The following CCDC7 variants were observed in gnomAD, a reference collection of about 807,000 sequenced individuals.
The protein encoded by CCDC7 is coiled-coil domain containing 7, also known as coiled-coil domain-containing protein 7.
A neutral mutation model predicts 196.9 loss-of-function variants in CCDC7; 183 were observed. The ratio of observed to expected loss-of-function variants is 0.93; its 90% CI spans 0.82 to 1.05. The LOEUF (loss-of-function observed/expected upper bound fraction) is 1.05. CCDC7 is among the 50% of genes least tolerant of loss of function. The pLI is 0.00. For synonymous variants in CCDC7, 525 were observed against 484.6 expected (o/e 1.08, Z -1.10); for missense variants, 1,540 against 1,482.2 (o/e 1.04, Z -0.64).
In CCDC7 at chr10:32,834,660, C is replaced by CTT. The variant is rs5784305; in HGVS notation, c.3269-144_3269-143dup. Among the ~76,000 whole-genome samples the CTT allele has an allele frequency of 5.6e-4, 81 of 143,884 alleles. 1 individual carries two copies. Among genetic ancestry groups the CTT allele is most frequent in the African/African-American group, 1.3e-3 (50 of 39,648 alleles). 94.4% of individuals were successfully genotyped at this position (143,884 alleles called of 152,430 possible). A position where few individuals can be genotyped will look rare whatever the true frequency, so the allele number is the denominator to read the frequency against. ...GGCTTTGTAATTCTGCAGTCCAGTG[C>CTT]TTTTTTTTTTTTACTAATTCATCTT... On this transcript the variant is annotated intron_variant, in intron 32 of 41. Coordinates refer to ENST00000639629, the Ensembl canonical transcript of CCDC7.
chr10:32,463,724 G>A (rs771975930), intron 5 of CCDC7, among the ~76,000 whole-genome samples: 4 of 152,132 alleles, frequency 2.6e-5, no homozygotes, highest in Non-Finnish European at 5.9e-5. Context: ...TTATTTGGGG[G>A]TATTTAAAGG....
intron 13 of CCDC7, among the ~76,000 whole-genome samples, chr10:32,562,901 A>AC (rs1421320733): frequency 6.6e-6 from 1 of 152,082 alleles, no homozygotes; most frequent in Non-Finnish European, 1.5e-5. Context: ...GGGCTAGAAA[A>AC]CCCCATTGTC....
intron 24 of CCDC7, among the ~76,000 whole-genome samples, chr10:32,698,236 G>A (rs2078050419): frequency 6.6e-6 from 1 of 152,162 alleles, no homozygotes; most frequent in Non-Finnish European, 1.5e-5. Flanking sequence ...AAACCACAAA[G>A]ATGGGGAGAA....
intron 18 of CCDC7, among the ~76,000 whole-genome samples, chr10:32,600,356 GC>G: frequency 6.6e-6 from 1 of 151,448 alleles, no homozygotes; most frequent in African/African-American, 2.4e-5. Flanking sequence ...TTGAGTCTCA[GC>G]TTGGTCATTG....
intron 18 of CCDC7, among the ~76,000 whole-genome samples, chr10:32,623,452 T>C (rs2063623519): frequency 6.6e-6 from 1 of 152,178 alleles, no homozygotes; most frequent in African/African-American, 2.4e-5. Flanking sequence ...CATTTTTATG[T>C]ATTTCTATTT....
intron 21 of CCDC7, among the ~76,000 whole-genome samples, chr10:32,672,520 T>C (rs1442095501): frequency 6.6e-6 from 1 of 152,200 alleles, no homozygotes; most frequent in Non-Finnish European, 1.5e-5. Context: ...TGGTGACTTC[T>C]TTCCCAGTAG....
chr10:32,860,106 A>G (rs2136451757), intron 41 of CCDC7, among the ~76,000 whole-genome samples: 1 of 152,320 alleles, frequency 6.6e-6, no homozygotes, highest in East Asian at 1.9e-4. Context: ...CAGAGACAAT[A>G]GAAAAAAAGA....
At chr10:32,669,584 T>A (rs994407643) in intron 21 of CCDC7, among the ~76,000 whole-genome samples, 9 of 152,274 alleles carry the variant, frequency 5.9e-5, no homozygotes, top group African/African-American at 2.2e-4. Context: ...TATTCATATT[T>A]CTCTTCTTCA....
intron 29 of CCDC7, among the ~76,000 whole-genome samples, chr10:32,791,791 G>A (rs1305506941): frequency 6.6e-6 from 1 of 152,144 alleles, no homozygotes; most frequent in Admixed American, 6.5e-5. Flanking sequence ...TGGAGAAAGG[G>A]ATGGAAAGCT....
chr10:32,862,912 A>G (rs1009183492), intron 41 of CCDC7, among the ~76,000 whole-genome samples: 3 of 152,118 alleles, frequency 2.0e-5, no homozygotes, highest in Non-Finnish European at 2.9e-5. Context: ...TTCATTTATG[A>G]TAGCATAAAA....
At chr10:32,689,141 T>C (rs2076787259) in exon 23 of CCDC7, 1 of 1,586,118 alleles carries the variant, frequency 6.3e-7, no homozygotes, top group Non-Finnish European at 8.6e-7. Context: ...AACAAAGAAC[T>C]CTCAAAGGGC....
At chr10:32,734,340 A>G (rs2132903160) in intron 28 of CCDC7, among the ~76,000 whole-genome samples, 1 of 152,314 alleles carries the variant, frequency 6.6e-6, no homozygotes, top group East Asian at 1.9e-4. Context: ...CTAATGCAGG[A>G]ACAGAAAACC....
At chr10:32,475,469 A>G (rs563532687) in intron 8 of CCDC7, among the ~76,000 whole-genome samples, 2 of 152,360 alleles carry the variant, frequency 1.3e-5, no homozygotes, top group South Asian at 4.1e-4. Context: ...GTACCCACTT[A>G]TAGTCTAATG....
chr10:32,765,481 C>T lies in CCDC7; in HGVS notation c.2906-13496C>T, dbSNP rs117212678. On this transcript the variant is annotated intron_variant, in intron 28 of 41. Transcript: ENST00000639629. ...GAATGTATAATTTAATAAATATACT[C>T]ATCAACTGGCAGAATTTTCACATTG... Among the ~76,000 whole-genome samples, 1,201 of 152,092 alleles carry T rather than the reference C, an allele frequency of 7.9e-3. 7 individuals are homozygous for T. Among genetic ancestry groups the T allele is most frequent in the Middle Eastern group, 0.02 (6 of 294 alleles).
In CCDC7 at chr10:32,569,484, T is replaced by C. The variant is rs142979444; in HGVS notation, c.1419+1593T>C. ...TTTTATTGCCCAGGCCAGAGTGCAA[T>C]GGTGTGATCTCAGCTCACTGCAACC... On this transcript the variant is annotated intron_variant, in intron 15 of 41. Transcript: ENST00000639629. Among the ~76,000 whole-genome samples the C allele has an allele frequency of 8.4e-3, 1,275 of 152,292 alleles. 28 individuals carry two copies. The highest frequency in any genetic ancestry group is 0.028 in the African/African-American group (1,174 of 41,562).
chr10:32,511,578 C>T, intron 9 of CCDC7: 3 of 1,606,440 alleles, frequency 1.9e-6, no homozygotes, highest in South Asian at 1.1e-5. Context: ...ACCAAATCCA[C>T]TTTTGCTTGT....
At chr10:32,706,958 C>T (rs972224585) in intron 24 of CCDC7, among the ~76,000 whole-genome samples, 1 of 152,104 alleles carries the variant, frequency 6.6e-6, no homozygotes, top group Non-Finnish European at 1.5e-5. Context: ...GAATCCTCCC[C>T]AACTCATTTT....
intron 9 of CCDC7, 72 bp downstream of exon 10, chr10:32,492,069 CATATGTAATATGTTCATTGAAAAAAGTT>C: frequency 2.1e-6 from 3 of 1,406,406 alleles, no homozygotes; most frequent in Non-Finnish European, 2.8e-6. Flanking sequence ...TGTATTTTTC[CATATGTAATATGTTCATTGAAAAAAGTT>C]AGTACGTGTT....
intron 25 of CCDC7, among the ~76,000 whole-genome samples, chr10:32,723,194 CTTG>C (rs1237012011): frequency 6.6e-6 from 1 of 152,124 alleles, no homozygotes; most frequent in African/African-American, 2.4e-5. Flanking sequence ...AATCAGCGAT[CTTG>C]TTGTGAAAGT....
Sources: gnomAD v4.1 joint callset for allele counts (sites outside exome capture counted in the v4.1 genomes callset) on GRCh38, gnomAD v4.1.1 for gene constraint, MANE v1.5 for transcripts, NCBI Gene and HGNC (gene_info 2026-07-23, HGNC 2026-07-21) for gene names.